LRRC3B: variants seen among roughly 807,000 people sequenced by gnomAD.
LRRC3B encodes leucine rich repeat containing 3B.
A neutral mutation model predicts 12.8 loss-of-function variants in LRRC3B; 2 were observed. The ratio of observed to expected loss-of-function variants is 0.16; its 90% CI spans 0.06 to 0.49. LRRC3B has a LOEUF of 0.49. Ranked by LOEUF, LRRC3B falls within the 20% of genes least tolerant of loss-of-function variation. LRRC3B has a pLI of 0.96. For synonymous variants in LRRC3B, 132 were observed against 122.0 expected, an observed-to-expected ratio of 1.08 and a Z score of -0.54; for missense variants, 189 against 319.4, an observed-to-expected ratio of 0.59 and a Z score of 3.11.
intron 1 of LRRC3B, among the ~76,000 whole-genome samples, chr3:26,640,477 G>A (rs1019914895): frequency 1.4e-5 from 2 of 145,710 alleles, no homozygotes; most frequent in African/African-American, 2.6e-5. Context: ...AAATGAAAAC[G>A]CTGCTTTATG....
chr3:26,705,178 C>T (rs1238111597), intron 1 of LRRC3B, among the ~76,000 whole-genome samples: 4 of 152,160 alleles, frequency 2.6e-5, no homozygotes, highest in Non-Finnish European at 5.9e-5. Flanking sequence ...CTGTTAAATG[C>T]ACTGGTTTTT....
At chr3:26,673,277 CT>C (rs977509514) in intron 1 of LRRC3B, among the ~76,000 whole-genome samples, 17 of 151,986 alleles carry the variant, frequency 1.1e-4, no homozygotes, top group Admixed American at 2.6e-4. Context: ...TTTCTCTTAT[CT>C]TAAGGTTTTC....
chr3:26,686,426 A>G (rs1236954883), intron 1 of LRRC3B, among the ~76,000 whole-genome samples: 1 of 152,164 alleles, frequency 6.6e-6, no homozygotes, highest in Non-Finnish European at 1.5e-5. Flanking sequence ...GGTAACTTCA[A>G]CACTGCTTCT....
chr3:26,639,496 T>TTTAAATTAAATTAAA (rs5847411), intron 1 of LRRC3B, among the ~76,000 whole-genome samples: 9 of 140,706 alleles, frequency 6.4e-5, no homozygotes, highest in African/African-American at 2.6e-4. Context: ...TTAAATTAAA[T>TTTAAATTAAATTAAA]TTAAATTAAA....
chr3:26,649,124 A>G (rs1699212981), intron 1 of LRRC3B, among the ~76,000 whole-genome samples: 1 of 152,362 alleles, frequency 6.6e-6, no homozygotes, highest in East Asian at 1.9e-4. Context: ...TTTTCTTGAG[A>G]AAAGAATTAG....
At chr3:26,664,275 C>T (rs961723468) in intron 1 of LRRC3B, among the ~76,000 whole-genome samples, 8 of 152,086 alleles carry the variant, frequency 5.3e-5, no homozygotes, top group African/African-American at 1.9e-4. Context: ...CCCATTGCTT[C>T]TTCCAGGAGT....
intron 1 of LRRC3B, among the ~76,000 whole-genome samples, chr3:26,658,881 A>C (rs1246299021): frequency 6.6e-6 from 1 of 152,232 alleles, no homozygotes; most frequent in African/African-American, 2.4e-5. Context: ...ACATGACTGC[A>C]ACAAATTACC....
intron 1 of LRRC3B, among the ~76,000 whole-genome samples, chr3:26,685,113 C>G (rs563001210): frequency 1.3e-5 from 2 of 151,984 alleles, no homozygotes; most frequent in African/African-American, 4.8e-5. Flanking sequence ...GCCACCACAC[C>G]CAGCTAATTT....
At chr3:26,633,026 G>C (rs1698790885) in intron 1 of LRRC3B, among the ~76,000 whole-genome samples, 2 of 152,174 alleles carry the variant, frequency 1.3e-5, no homozygotes, top group South Asian at 4.1e-4. Context: ...TGGTTGTAGA[G>C]TTTACAAGCA....
chr3:26,648,786 G>A (rs1699205291), intron 1 of LRRC3B, among the ~76,000 whole-genome samples: 1 of 152,214 alleles, frequency 6.6e-6, no homozygotes, highest in Non-Finnish European at 1.5e-5. Flanking sequence ...TAATTTGAGT[G>A]CTTTGAAGAA....
At chr3:26,688,062 TG>T (rs1350770956) in intron 1 of LRRC3B, among the ~76,000 whole-genome samples, 2 of 152,208 alleles carry the variant, frequency 1.3e-5, no homozygotes, top group African/African-American at 4.8e-5. Context: ...CAGGTATCCC[TG>T]GTGCACATGG....
intron 1 of LRRC3B, among the ~76,000 whole-genome samples, chr3:26,666,339 T>C (rs1441459525): frequency 6.6e-6 from 1 of 152,098 alleles, no homozygotes; most frequent in Non-Finnish European, 1.5e-5. Context: ...TATAAGACAA[T>C]TATTTTTTTC....
intron 1 of LRRC3B, among the ~76,000 whole-genome samples, chr3:26,636,275 G>A (rs777882375): frequency 7.9e-5 from 12 of 152,150 alleles, no homozygotes; most frequent in Non-Finnish European, 1.5e-4. Context: ...GAATTCTAAG[G>A]TGCCTTTTAA....
At chr3:26,691,129 A>ATATG (rs1700185745) in intron 1 of LRRC3B, among the ~76,000 whole-genome samples, 2 of 143,592 alleles carry the variant, frequency 1.4e-5, no homozygotes, top group African/African-American at 5.1e-5. Context: ...ATATATATAT[A>ATATG]TATATGAGAC....
intron 1 of LRRC3B, among the ~76,000 whole-genome samples, chr3:26,692,905 CAT>C (rs992446069): frequency 3.3e-5 from 5 of 152,154 alleles, no homozygotes; most frequent in Non-Finnish European, 7.3e-5. Context: ...CTGGTTTTCC[CAT>C]ATGTTTGGAG....
Position 26,688,935 on chromosome 3 carries a change from A to G in LRRC3B, c.-160-20578A>G, listed in dbSNP as rs894619573. Among the ~76,000 whole-genome samples, 2 of 152,228 alleles carry G rather than the reference A, an allele frequency of 1.3e-5. 1 individual carries two copies. Among genetic ancestry groups the G allele is most frequent in the Non-Finnish European group, 2.9e-5 (2 of 68,042 alleles). Reference sequence around the variant, plus strand: ...TGGTCACTTGTAAACAGATGTGCCTAGATTCCCAAACAGATAAGAATCTAC... The same window carrying G: ...TGGTCACTTGTAAACAGATGTGCCTGGATTCCCAAACAGATAAGAATCTAC... On this transcript the variant is annotated intron_variant, in intron 1 of 1. Coordinates refer to ENST00000396641, the Ensembl canonical transcript of LRRC3B.
At chr3:26,704,255 A>G (rs1700528782) in intron 1 of LRRC3B, among the ~76,000 whole-genome samples, 1 of 152,114 alleles carries the variant, frequency 6.6e-6, no homozygotes, top group Admixed American at 6.6e-5. Context: ...ATCTTTGGAC[A>G]TCTTTATATC....
chr3:26,642,589 G>C (rs1699053767), intron 1 of LRRC3B, among the ~76,000 whole-genome samples: 1 of 152,124 alleles, frequency 6.6e-6, no homozygotes, highest in South Asian at 2.1e-4. Context: ...ACAGGTATAG[G>C]GTGTTCCTCA....
At chr3:26,694,542 T>C (rs1434462406) in intron 1 of LRRC3B, 1 of 152,316 alleles carries the variant, frequency 6.6e-6, no homozygotes, top group African/African-American at 2.4e-5. Context: ...GCATCTACCA[T>C]GAGACAGTCA....
Sources: allele counts gnomAD v4.1 joint callset (sites outside exome capture counted in the v4.1 genomes callset), GRCh38; gene constraint gnomAD v4.1.1; transcripts MANE v1.5; gene names NCBI Gene and HGNC (gene_info 2026-07-23, HGNC 2026-07-21).